RGS20: variants seen among roughly 807,000 people sequenced by gnomAD.
RGS20 encodes the protein regulator of G protein signaling 20.
A neutral mutation model predicts 33.6 loss-of-function variants in RGS20; 30 were observed. The ratio of observed to expected loss-of-function variants is 0.89; its 90% CI spans 0.67 to 1.21. The LOEUF (loss-of-function observed/expected upper bound fraction) is 1.21, where lower values mean the gene tolerates loss of function less well. Ranked by LOEUF, RGS20 falls within the 50% of genes most tolerant of loss-of-function variation. The pLI, the probability that RGS20 is intolerant of heterozygous loss-of-function variation, is 0.00. For missense variants in RGS20, 472 were observed against 502.4 expected (o/e 0.94, Z 0.58); for synonymous variants, 208 against 197.9 (o/e 1.05, Z -0.43).
At chr8:53,934,952 A>G (rs1415306200) in intron 2 of RGS20, among the ~76,000 whole-genome samples, 1 of 152,254 alleles carries the variant, frequency 6.6e-6, no homozygotes, top group East Asian at 1.9e-4. Context: ...CAGGAATAAG[A>G]AACTCACTCA....
intron 1 of RGS20, among the ~76,000 whole-genome samples, chr8:53,872,060 T>C (rs895948158): frequency 6.6e-6 from 1 of 151,866 alleles, no homozygotes; most frequent in Non-Finnish European, 1.5e-5. Flanking sequence ...TCCCTAGTCC[T>C]CTCCTTTCAG....
At chr8:53,895,637 T>C (rs1465296311) in intron 2 of RGS20, among the ~76,000 whole-genome samples, 1 of 151,774 alleles carries the variant, frequency 6.6e-6, no homozygotes, top group African/African-American at 2.4e-5. Context: ...TAATAGTTTT[T>C]CTTTTTATTC....
At chr8:53,874,366 G>GT (rs1812145145) in intron 1 of RGS20, among the ~76,000 whole-genome samples, 2 of 129,314 alleles carry the variant, frequency 1.5e-5, no homozygotes, top group Non-Finnish European at 3.1e-5. Flanking sequence ...AAGCAATAAG[G>GT]GGTGTGTGTG....
intron 2 of RGS20, among the ~76,000 whole-genome samples, chr8:53,930,943 T>C (rs1056953892): frequency 3.9e-5 from 6 of 152,136 alleles, no homozygotes; most frequent in African/African-American, 1.2e-4. Context: ...AGTGCCCGAA[T>C]TGAGTGAATG....
chr8:53,851,805 C>A lies in RGS20; in HGVS notation c.-95C>A. On this transcript the variant is annotated 5_prime_UTR_variant, in exon 1 of 6. Transcript: ENST00000297313. ...TCTCCCCACAGATTCAGAGCCAGCC[C>A]AGCATTAACCAAACAAAGAGAAGCA... is the stretch of plus-strand genomic sequence containing the variant. 1 of 1,339,122 alleles carries A rather than the reference C, an allele frequency of 7.5e-7. No individual in the cohort carries two copies. The allele number at this position is 1,339,122 out of a possible 1,614,324, so 83.0% of individuals were successfully genotyped here.
At chr8:53,863,000 G>C (rs768059976) in intron 1 of RGS20, among the ~76,000 whole-genome samples, 25 of 151,962 alleles carry the variant, frequency 1.6e-4, no homozygotes, top group East Asian at 3.9e-4. Context: ...CTTTTCTTTT[G>C]TTTTTGAGAT....
Position 53,877,674 on chromosome 8 carries a change from T to C in RGS20, c.166-1584T>C, listed in dbSNP as rs549015386. Among the ~76,000 whole-genome samples, 1 of 152,092 alleles carries C rather than the reference T, an allele frequency of 6.6e-6. No homozygotes were observed. The highest frequency in any genetic ancestry group is 2.4e-5 in the African/African-American group (1 of 41,494). ...GAGGGGAGCAGCTGAACGAGGAGAA[T>C]GAAAATACTGGGAGAACGACCCCAT... On this transcript the variant is annotated intron_variant, in intron 1 of 5. Transcript: ENST00000297313. The surrounding 1 kb of genome is among the most constrained non-coding windows in gnomAD (Gnocchi z 5.7).
chr8:53,879,840 T>G, intron 2 of RGS20: 1 of 429,030 alleles, frequency 2.3e-6, no homozygotes, highest in Non-Finnish European at 4.1e-6. Flanking sequence ...GGCCATTTCC[T>G]TTCCATGGTC....
intron 1 of RGS20, among the ~76,000 whole-genome samples, chr8:53,867,386 C>T (rs1811944722): frequency 6.6e-6 from 1 of 152,152 alleles, no homozygotes; most frequent in African/African-American, 2.4e-5. Flanking sequence ...TTTCTCATGG[C>T]TACTAACATC....
At chr8:53,908,004 A>G (rs1164464308) in intron 2 of RGS20, among the ~76,000 whole-genome samples, 1 of 152,136 alleles carries the variant, frequency 6.6e-6, no homozygotes, top group East Asian at 1.9e-4. Context: ...CTCGGGTTCA[A>G]TGAAGTTGTG....
chr8:53,876,355 A>G (rs1386943170), intron 1 of RGS20: 1 of 152,258 alleles, frequency 6.6e-6, no homozygotes. Flanking sequence ...GTTGCTGTTC[A>G]GTAGCCAACA....
intron 5 of RGS20, among the ~76,000 whole-genome samples, chr8:53,955,248 A>T (rs967260078): frequency 6.6e-6 from 1 of 151,164 alleles, no homozygotes; most frequent in Non-Finnish European, 1.5e-5. Context: ...TCTGTGAAAA[A>T]TTTTGTGCAT....
intron 1 of RGS20, among the ~76,000 whole-genome samples, chr8:53,859,848 T>C (rs1037755507): frequency 6.6e-6 from 1 of 152,182 alleles, no homozygotes; most frequent in African/African-American, 2.4e-5. Context: ...TCGGATCTCA[T>C]GAGACTTATT....
chr8:53,927,067 T>A (rs1424084066), intron 2 of RGS20, among the ~76,000 whole-genome samples: 1 of 152,188 alleles, frequency 6.6e-6, no homozygotes. Flanking sequence ...AAAGGCCTCT[T>A]AGATGTTGAG....
chr8:53,943,664 A>G (rs1039451009), intron 3 of RGS20, among the ~76,000 whole-genome samples: 3 of 152,234 alleles, frequency 2.0e-5, no homozygotes, highest in Non-Finnish European at 4.4e-5. Context: ...CTTACTTGAA[A>G]TGAGGGAAAA....
chr8:53,862,455 C>A (rs575664642), intron 1 of RGS20, among the ~76,000 whole-genome samples: 22 of 152,274 alleles, frequency 1.4e-4, no homozygotes, highest in East Asian at 1.2e-3. Context: ...CTGCTGGCTT[C>A]TACTTCTGAT....
chr8:53,898,585 G>A (rs1361205617), intron 2 of RGS20, among the ~76,000 whole-genome samples: 1 of 152,170 alleles, frequency 6.6e-6, no homozygotes. Flanking sequence ...ATGATATCCT[G>A]TGGGCTCTAG....
At chr8:53,920,628 A>G (rs1018558140) in intron 2 of RGS20, among the ~76,000 whole-genome samples, 2 of 152,190 alleles carry the variant, frequency 1.3e-5, no homozygotes, top group Admixed American at 6.5e-5. Flanking sequence ...AGAGAAAGCC[A>G]TCAGTCTTTC....
chr8:53,876,986 GGAA>G (rs1343359245), intron 1 of RGS20, among the ~76,000 whole-genome samples: 3 of 152,192 alleles, frequency 2.0e-5, no homozygotes, highest in Non-Finnish European at 4.4e-5. Flanking sequence ...AAGTGACTTG[GGAA>G]GAAGGACTGG....
Sources: gnomAD v4.1 joint callset for allele counts (sites outside exome capture counted in the v4.1 genomes callset) on GRCh38, gnomAD v4.1.1 for gene constraint, Gnocchi (gnomAD v3.1) non-coding constraint, MANE v1.5 for transcripts, NCBI Gene and HGNC (gene_info 2026-07-23, HGNC 2026-07-21) for gene names.